The following DIP2C variants were observed in gnomAD, a reference collection of about 807,000 sequenced individuals.
The protein encoded by DIP2C is DIP2 acetate--CoA ligase C (putative).
Under a neutral mutation model 192.4 loss-of-function variants are expected in DIP2C, and 33 were observed. The ratio of observed to expected loss-of-function variants is 0.17; its 90% CI spans 0.13 to 0.23. The LOEUF is 0.23. Among genes scored for constraint, DIP2C ranks in the 10% least tolerant of loss-of-function variants. The pLI, the probability that DIP2C is intolerant of heterozygous loss-of-function variation, is 1.00. For missense variants in DIP2C, 1,537 were observed against 2,110.1 expected, an observed-to-expected ratio of 0.73 and a Z score of 5.32; for synonymous variants, 979 against 864.1, an observed-to-expected ratio of 1.13 and a Z score of -2.33.
intron 33 of DIP2C, 48 bp downstream of exon 33, chr10:288,316 C>G (rs1486684660): frequency 6.4e-7 from 1 of 1,560,832 alleles, no homozygotes; most frequent in East Asian, 2.2e-5. Flanking sequence ...CCCATACAGT[C>G]AGAAGCGAAC....
intron 1 of DIP2C, among the ~76,000 whole-genome samples, chr10:521,237 A>C (rs1359441256): frequency 6.6e-6 from 1 of 152,182 alleles, no homozygotes; most frequent in Non-Finnish European, 1.5e-5. Flanking sequence ...GCTGCAGGCA[A>C]ATCCCACCAA....
intron 3 of DIP2C, among the ~76,000 whole-genome samples, chr10:445,503 T>TCAC (rs1968101963): frequency 6.6e-6 from 1 of 151,812 alleles, no homozygotes; most frequent in African/African-American, 2.4e-5. Context: ...GTGAAGAGTC[T>TCAC]ATCTTGCACT....
intron 1 of DIP2C, among the ~76,000 whole-genome samples, chr10:543,285 T>C (rs1185486241): frequency 2.6e-5 from 4 of 152,262 alleles, no homozygotes; most frequent in African/African-American, 9.6e-5. Context: ...TCCGGGCAAG[T>C]GTCTGTGCAG....
chr10:486,559 A>G (rs1282059572), intron 1 of DIP2C, 29 bp from the exon 2 acceptor site: 6 of 1,588,430 alleles, frequency 3.8e-6, no homozygotes, highest in South Asian at 1.1e-5. Flanking sequence ...GAAGTTCAGT[A>G]TGGTCTCCGT....
chr10:682,295 G>A (rs1158993181), intron 1 of DIP2C, among the ~76,000 whole-genome samples: 2 of 152,240 alleles, frequency 1.3e-5, no homozygotes, highest in East Asian at 3.8e-4. Context: ...GGAGCCCCAA[G>A]TGCTCAAAAT....
intron 32 of DIP2C, among the ~76,000 whole-genome samples, chr10:301,733 G>A (rs369486979): frequency 3.9e-5 from 6 of 152,162 alleles, no homozygotes; most frequent in Non-Finnish European, 8.8e-5. Context: ...TCTGGTAACC[G>A]CGTCCTCGCC....
intron 1 of DIP2C, among the ~76,000 whole-genome samples, chr10:566,215 T>C (rs1052613907): frequency 2.0e-5 from 3 of 152,250 alleles, no homozygotes; most frequent in African/African-American, 7.2e-5. Flanking sequence ...TAGTTACCAT[T>C]AAGAGTGTCT....
chr10:439,532 G>A (rs376311290), intron 4 of DIP2C, among the ~76,000 whole-genome samples: 4 of 152,124 alleles, frequency 2.6e-5, no homozygotes, highest in Admixed American at 6.5e-5. Flanking sequence ...TGGGAGGACC[G>A]CCTGAGCCCA....
chr10:571,788 T>C (rs941665850), intron 1 of DIP2C, among the ~76,000 whole-genome samples: 59 of 152,122 alleles, frequency 3.9e-4, no homozygotes, highest in African/African-American at 1.3e-3. Context: ...GGTAGCAACA[T>C]GGGACATGGG....
Position 283,419 on chromosome 10 carries a change from T to A in DIP2C, c.4147A>T (p.Ser1383Cys). Residue 1383 changes from serine to cysteine, a missense_variant, in exon 35 of 37, where the codon AGC becomes TGC. Around this residue, in one of 4 missense-constraint regions of DIP2C, gnomAD observed 341 missense variants for 551.7 expected, o/e 0.62. Coordinates refer to ENST00000280886, the MANE Select transcript of DIP2C (RefSeq NM_014974.3). Reference sequence around the variant, plus strand: ...TCTCCGTAAATAGTGAAATAACCGCTGGCATTGTGGGCACTGTGAACCCAA... The same window carrying A: ...TCTCCGTAAATAGTGAAATAACCGCAGGCATTGTGGGCACTGTGAACCCAA... The part of the protein sequence containing the change: ...EIWVHSAHNA[S>C]GYFTIYGDES... The A allele has an allele frequency of 6.2e-7, 1 of 1,614,186 alleles. No homozygotes were observed. The highest frequency in any genetic ancestry group is 8.5e-7 in the Non-Finnish European group (1 of 1,180,038).
chr10:566,070 A>AC (rs1849453429), intron 1 of DIP2C, among the ~76,000 whole-genome samples: 1 of 152,228 alleles, frequency 6.6e-6, no homozygotes, highest in African/African-American at 2.4e-5. Flanking sequence ...AAACAAAAAA[A>AC]CCACGTATCT....
At chr10:476,598 C>A (rs552990492) in intron 2 of DIP2C, among the ~76,000 whole-genome samples, 4 of 152,138 alleles carry the variant, frequency 2.6e-5, no homozygotes, top group Admixed American at 6.6e-5. Flanking sequence ...CACCCTTGTG[C>A]GGTGTCTGAA....
At chr10:324,088 C>T (rs147980162) in intron 31 of DIP2C, among the ~76,000 whole-genome samples, 1 of 152,158 alleles carries the variant, frequency 6.6e-6, no homozygotes, top group Non-Finnish European at 1.5e-5. Flanking sequence ...CTGCCCTCCC[C>T]CAGAACGCCT....
chr10:405,853 A>C (rs1964765049), intron 9 of DIP2C, among the ~76,000 whole-genome samples: 1 of 152,184 alleles, frequency 6.6e-6, no homozygotes, highest in African/African-American at 2.4e-5. Flanking sequence ...CCTGCTGTCC[A>C]GGCGAAAGGC....
intron 6 of DIP2C, among the ~76,000 whole-genome samples, chr10:416,676 T>C (rs1965659009): frequency 6.6e-6 from 1 of 152,140 alleles, no homozygotes; most frequent in South Asian, 2.1e-4. Context: ...GTTTGATCAA[T>C]GAAAGAGTCA....
intron 31 of DIP2C, chr10:325,024 A>G (rs7078788): frequency 0.023 from 11,636 of 504,920 alleles, 326 homozygotes; most frequent in African/African-American, 0.081. Context: ...CCAGCACTTT[A>G]GGAGGCAAAG....
intron 1 of DIP2C, among the ~76,000 whole-genome samples, chr10:572,284 C>T (rs904206890): frequency 2.6e-5 from 4 of 152,242 alleles, no homozygotes; most frequent in African/African-American, 9.6e-5. Flanking sequence ...ACTTGCTAAC[C>T]ACATCTCTTC....
chr10:406,373 A>G (rs1484001723), intron 9 of DIP2C, among the ~76,000 whole-genome samples: 2 of 152,198 alleles, frequency 1.3e-5, no homozygotes, highest in Non-Finnish European at 2.9e-5. Flanking sequence ...CTCTGTCCCT[A>G]TTAAACACGA....
intron 1 of DIP2C, among the ~76,000 whole-genome samples, chr10:564,747 G>C (rs2131486281): frequency 6.6e-6 from 1 of 152,258 alleles, no homozygotes; most frequent in East Asian, 1.9e-4. Flanking sequence ...GCACTGCACA[G>C]AACTCAGCCT....
Sources: allele counts gnomAD v4.1 joint callset (sites outside exome capture counted in the v4.1 genomes callset), GRCh38; gene constraint gnomAD v4.1.1; regional missense constraint gnomAD v4.1.1; transcripts MANE v1.5; gene names NCBI Gene and HGNC (gene_info 2026-07-23, HGNC 2026-07-21).